ZNF420: variants seen among roughly 807,000 people sequenced by gnomAD.
ZNF420 encodes ATM and p53-associated KZNF protein.
ZNF420 carries 31 observed loss-of-function variants against 44.7 expected under a neutral mutation model. That is an observed-to-expected ratio of 0.69 (90% CI 0.52 to 0.94). The LOEUF is 0.94. Ranked by LOEUF, ZNF420 falls within the 40% of genes least tolerant of loss-of-function variation. The probability of loss-of-function intolerance (pLI) is 0.00; values close to 1 mark genes in which losing one functional copy is unlikely to be tolerated. For missense variants in ZNF420, 681 were observed against 827.9 expected (o/e 0.82, Z 2.18); for synonymous variants, 245 against 267.4 (o/e 0.92, Z 0.82).
At chr19:37,023,427 G>A (rs954315462) in intron 1 of ZNF420, among the ~76,000 whole-genome samples, 1 of 151,882 alleles carries the variant, frequency 6.6e-6, no homozygotes, top group African/African-American at 2.4e-5. Context: ...GTGCAGTGGC[G>A]CAATCTTGGC....
intron 1 of ZNF420, among the ~76,000 whole-genome samples, chr19:37,045,442 G>A (rs1967526644): frequency 6.6e-6 from 1 of 152,144 alleles, no homozygotes; most frequent in Admixed American, 6.5e-5. Context: ...GAAGGATGGG[G>A]CAAAATTATC....
chr19:37,042,190 G>C (rs150206125), intron 1 of ZNF420, among the ~76,000 whole-genome samples: 1 of 152,128 alleles, frequency 6.6e-6, no homozygotes, highest in South Asian at 2.1e-4. Flanking sequence ...ATAGAGACAG[G>C]GTTTCACCAT....
chr19:37,012,758 A>ATG (rs1162223396), intron 1 of ZNF420, among the ~76,000 whole-genome samples: 19 of 100,100 alleles, frequency 1.9e-4, no homozygotes, highest in Non-Finnish European at 2.6e-4. Flanking sequence ...TGCCACTGCT[A>ATG]TATGTCTCTG....
intron 2 of ZNF420, among the ~76,000 whole-genome samples, chr19:37,084,464 T>A (rs1230922049): frequency 6.6e-6 from 1 of 152,200 alleles, no homozygotes; most frequent in Non-Finnish European, 1.5e-5. Flanking sequence ...TATGTCTGTC[T>A]TCCTAGAAGC....
At chr19:37,063,297 A>G (rs1218741225) in intron 1 of ZNF420, among the ~76,000 whole-genome samples, 1 of 152,228 alleles carries the variant, frequency 6.6e-6, no homozygotes, top group Non-Finnish European at 1.5e-5. Context: ...AGAAACAGAA[A>G]GAGCTGGAGT....
intron 1 of ZNF420, among the ~76,000 whole-genome samples, chr19:37,011,745 C>T (rs766452986): frequency 2.6e-5 from 4 of 152,166 alleles, no homozygotes; most frequent in Non-Finnish European, 4.4e-5. Context: ...GTCTCGCCAT[C>T]GCCCCATATG....
At chr19:37,080,524 A>AAATGTGCC in intron 2 of ZNF420, 136 bp downstream of exon 2, 1 of 152,758 alleles carries the variant, frequency 6.5e-6, no homozygotes, top group South Asian at 2.1e-4. Context: ...AGAGCAAAGA[A>AAATGTGCC]AATGTGCCAT....
chr19:37,107,909 T>C (rs1339925078), intron 4 of ZNF420, among the ~76,000 whole-genome samples: 2 of 152,124 alleles, frequency 1.3e-5, no homozygotes, highest in African/African-American at 4.8e-5. Context: ...TTATCTTTTC[T>C]TCCCTGTAGA....
chr19:37,118,566 G>A (rs1970828412), intron 4 of ZNF420, among the ~76,000 whole-genome samples: 1 of 152,028 alleles, frequency 6.6e-6, no homozygotes, highest in Non-Finnish European at 1.5e-5. Context: ...ATCAACTAAT[G>A]AGCAAAATAA....
chr19:37,110,756 C>T (rs557599015), intron 4 of ZNF420, among the ~76,000 whole-genome samples: 2 of 152,282 alleles, frequency 1.3e-5, no homozygotes, highest in East Asian at 3.9e-4. Context: ...TGATTACTTG[C>T]TCTTTTGGCT....
In ZNF420 at chr19:37,091,077, A is replaced by G. The variant is rs778779621; in HGVS notation, c.92A>G (p.Tyr31Cys). The G allele has an allele frequency of 2.5e-6, 4 of 1,609,212 alleles. No homozygotes were observed. Among genetic ancestry groups the G allele is most frequent in the Admixed American group, 1.7e-5 (1 of 59,318 alleles). ...CTGGACTCTGCTCAGAGAGATTTGT[A>G]TAGAGATGTGATGTTGGAGAACTAT... is the stretch of plus-strand genomic sequence containing the variant. ...ECLDSAQRDL[Y>C]RDVMLENYSN... The change falls in exon 4 of 5, where the codon TAT (tyrosine) becomes TGT (cysteine). Residue 31 changes from tyrosine (Y) to cysteine (C), a missense_variant. Around this residue, in one of 3 missense-constraint regions of ZNF420, gnomAD observed 350 missense variants for 382.5 expected, o/e 0.92. Transcript: ENST00000337995.
intron 1 of ZNF420, among the ~76,000 whole-genome samples, chr19:37,023,400 C>G (rs945058104): frequency 6.6e-6 from 1 of 151,936 alleles, no homozygotes. Context: ...GAGTCTTGCT[C>G]TGTCGCCCGT....
chr19:37,060,871 T>C (rs1967864816), intron 1 of ZNF420, among the ~76,000 whole-genome samples: 1 of 152,030 alleles, frequency 6.6e-6, no homozygotes, highest in Non-Finnish European at 1.5e-5. Context: ...CTGTAATGAA[T>C]GTCAGGGAAC....
chr19:37,103,594 G>T (rs1438443743), intron 4 of ZNF420, among the ~76,000 whole-genome samples: 1 of 152,162 alleles, frequency 6.6e-6, no homozygotes. Context: ...AGAGATTCTT[G>T]CTTCCTTGTC....
intron 1 of ZNF420, among the ~76,000 whole-genome samples, chr19:37,060,009 G>A (rs958364110): frequency 1.3e-5 from 2 of 152,072 alleles, no homozygotes; most frequent in African/African-American, 4.8e-5. Context: ...TCGTTGGCGA[G>A]CCTTTTTCTG....
intron 4 of ZNF420, among the ~76,000 whole-genome samples, chr19:37,118,338 T>C (rs1167008675): frequency 1.3e-5 from 2 of 152,142 alleles, no homozygotes; most frequent in Non-Finnish European, 2.9e-5. Flanking sequence ...TAAAAGAATT[T>C]CCAACCCAGA....
At chr19:37,051,210 G>C (rs1967633360) in intron 1 of ZNF420, among the ~76,000 whole-genome samples, 1 of 152,122 alleles carries the variant, frequency 6.6e-6, no homozygotes, top group Non-Finnish European at 1.5e-5. Context: ...GCCAGGCTTT[G>C]GTATCAGGAT....
At chr19:37,057,047 G>A (rs1484025734) in intron 1 of ZNF420, among the ~76,000 whole-genome samples, 1 of 152,244 alleles carries the variant, frequency 6.6e-6, no homozygotes, top group Non-Finnish European at 1.5e-5. Context: ...TGAGTCCCAC[G>A]GTTGCCTGAG....
chr19:37,025,241 T>G, intron 1 of ZNF420: 1 of 321,056 alleles, frequency 3.1e-6, no homozygotes, highest in East Asian at 6.0e-5. Flanking sequence ...GCATCATCTC[T>G]TGTTCATTGA....
Sources: allele counts gnomAD v4.1 joint callset (sites outside exome capture counted in the v4.1 genomes callset), GRCh38; gene constraint gnomAD v4.1.1; regional missense constraint gnomAD v4.1.1; transcripts MANE v1.5; gene names NCBI Gene and HGNC (gene_info 2026-07-23, HGNC 2026-07-21).